The following GALNTL6 variants were observed in gnomAD, a reference collection of about 807,000 sequenced individuals.
The protein encoded by GALNTL6 is polypeptide N-acetylgalactosaminyltransferase-like 6.
GALNTL6 carries 46 observed loss-of-function variants against 73.7 expected under a neutral mutation model. The observed-to-expected ratio is 0.62, with a 90% confidence interval of 0.49 to 0.80. The LOEUF is 0.80. Ranked by LOEUF, GALNTL6 falls within the 30% of genes least tolerant of loss-of-function variation. The pLI is 0.00. For synonymous variants in GALNTL6, 259 were observed against 263.7 expected (o/e 0.98, Z 0.17); for missense variants, 604 against 755.0 (o/e 0.80, Z 2.34).
At chr4:172,808,362 A>G (rs1378468411) in intron 5 of GALNTL6, among the ~76,000 whole-genome samples, 1 of 152,258 alleles carries the variant, frequency 6.6e-6, no homozygotes, top group African/African-American at 2.4e-5. Flanking sequence ...CTACTGCTAC[A>G]GATCATGCAA....
intron 2 of GALNTL6, among the ~76,000 whole-genome samples, chr4:172,126,169 A>G (rs901251119): frequency 6.6e-6 from 1 of 152,230 alleles, no homozygotes; most frequent in African/African-American, 2.4e-5. Flanking sequence ...GTGAATTAAT[A>G]GACTCAAATA....
intron 11 of GALNTL6, among the ~76,000 whole-genome samples, chr4:173,009,947 C>A (rs1204716657): frequency 6.6e-6 from 1 of 152,174 alleles, no homozygotes; most frequent in Non-Finnish European, 1.5e-5. Context: ...GCATAACAAT[C>A]ACATCATGTA....
At chr4:171,953,435 T>C (rs1286109685) in intron 2 of GALNTL6, among the ~76,000 whole-genome samples, 4 of 152,158 alleles carry the variant, frequency 2.6e-5, no homozygotes, top group East Asian at 1.9e-4. Context: ...CCCTTATGTG[T>C]TGAAAATTCA....
intron 5 of GALNTL6, among the ~76,000 whole-genome samples, chr4:172,422,462 C>T (rs562648315): frequency 6.6e-6 from 1 of 152,024 alleles, no homozygotes; most frequent in South Asian, 2.1e-4. Context: ...CCTGATGTTC[C>T]TCCTTCTAGT....
intron 9 of GALNTL6, 28 bp downstream of exon 9, chr4:172,931,296 G>A: frequency 1.5e-6 from 2 of 1,318,896 alleles, no homozygotes; most frequent in Non-Finnish European, 2.2e-6. Context: ...AGAACAGACT[G>A]GGGTTGATAT....
chr4:171,814,883 T>C, intron 2 of GALNTL6, 165 bp downstream of exon 2: 1 of 640,878 alleles, frequency 1.6e-6, no homozygotes. Flanking sequence ...CAAGTAGATG[T>C]TTTAAGATTG....
intron 5 of GALNTL6, among the ~76,000 whole-genome samples, chr4:172,373,428 T>G (rs1306307604): frequency 2.6e-5 from 4 of 152,232 alleles, no homozygotes; most frequent in Non-Finnish European, 5.9e-5. Context: ...CGTCGGTTTT[T>G]GTACTTCTAG....
At chr4:172,614,173 T>C (rs897541448) in intron 5 of GALNTL6, among the ~76,000 whole-genome samples, 1 of 152,090 alleles carries the variant, frequency 6.6e-6, no homozygotes, top group East Asian at 1.9e-4. Flanking sequence ...TATCTATCTC[T>C]ATCCCTCTCT....
At chr4:171,976,284 C>G (rs906815589) in intron 2 of GALNTL6, among the ~76,000 whole-genome samples, 1 of 152,160 alleles carries the variant, frequency 6.6e-6, no homozygotes, top group Non-Finnish European at 1.5e-5. Flanking sequence ...TGTGTCGTTA[C>G]ATAATTTGCA....
At chr4:171,985,869 C>G (rs35636209) in intron 2 of GALNTL6, among the ~76,000 whole-genome samples, 16,663 of 151,382 alleles carry the variant, frequency 0.11, 1,458 homozygotes, top group African/African-American at 0.24. Flanking sequence ...GAAACCCCAT[C>G]TCTACTAAAA....
chr4:171,920,286 G>T (rs1737748797), intron 2 of GALNTL6, among the ~76,000 whole-genome samples: 1 of 151,978 alleles, frequency 6.6e-6, no homozygotes, highest in East Asian at 1.9e-4. Flanking sequence ...GTTAAATGAC[G>T]AGTTAATGGG....
At chr4:171,843,994 A>C (rs1263625019) in intron 2 of GALNTL6, among the ~76,000 whole-genome samples, 2 of 152,192 alleles carry the variant, frequency 1.3e-5, no homozygotes, top group African/African-American at 4.8e-5. Flanking sequence ...TAACTTCAAA[A>C]TATCTGTAAC....
chr4:171,942,107 T>A (rs1272136459), intron 2 of GALNTL6, among the ~76,000 whole-genome samples: 1 of 151,960 alleles, frequency 6.6e-6, no homozygotes, highest in African/African-American at 2.4e-5. Flanking sequence ...CATTTAAAAA[T>A]AGGCTGCGTT....
At chr4:172,046,738 G>T (rs572369320) in intron 2 of GALNTL6, among the ~76,000 whole-genome samples, 11 of 152,130 alleles carry the variant, frequency 7.2e-5, no homozygotes, top group African/African-American at 2.2e-4. Flanking sequence ...TTGCTGTTGA[G>T]TTATGTGAGT....
At chr4:173,029,455 G>A (rs1240219293) in intron 12 of GALNTL6, among the ~76,000 whole-genome samples, 1 of 152,158 alleles carries the variant, frequency 6.6e-6, no homozygotes, top group Non-Finnish European at 1.5e-5. Context: ...CACCCCTAAA[G>A]TACTGCAGAT....
At chr4:173,036,884 C>T (rs1753721415) in intron 12 of GALNTL6, among the ~76,000 whole-genome samples, 1 of 152,178 alleles carries the variant, frequency 6.6e-6, no homozygotes. Flanking sequence ...AATGCTGTGA[C>T]CACTGAGGTG....
At chr4:172,716,153 G>T (rs1246308717) in intron 5 of GALNTL6, among the ~76,000 whole-genome samples, 1 of 152,120 alleles carries the variant, frequency 6.6e-6, no homozygotes, top group East Asian at 1.9e-4. Flanking sequence ...AGGTGCTGGT[G>T]GTGTCTAGTC....
intron 5 of GALNTL6, among the ~76,000 whole-genome samples, chr4:172,680,350 C>G (rs1223771477): frequency 6.7e-6 from 1 of 150,228 alleles, no homozygotes; most frequent in African/African-American, 2.5e-5. Context: ...TATAGTTTAA[C>G]TATTGAACTA....
intron 10 of GALNTL6, 135 bp from the exon 11 acceptor site, chr4:173,009,043 A>C (rs1752423623): frequency 1.5e-6 from 1 of 657,534 alleles, no homozygotes; most frequent in African/African-American, 1.8e-5. Flanking sequence ...ATTGCATACA[A>C]ATTCAAGGTC....
Sources: gnomAD v4.1 joint callset for allele counts (sites outside exome capture counted in the v4.1 genomes callset) on GRCh38, gnomAD v4.1.1 for gene constraint, MANE v1.5 for transcripts, NCBI Gene and HGNC (gene_info 2026-07-23, HGNC 2026-07-21) for gene names.